HCN1: variants seen among roughly 807,000 people sequenced by gnomAD.
HCN1 encodes potassium/sodium hyperpolarization-activated cyclic nucleotide-gated channel 1.
Under a neutral mutation model 78.9 loss-of-function variants are expected in HCN1, and 13 were observed. The ratio of observed to expected loss-of-function variants is 0.16; its 90% CI spans 0.11 to 0.26. HCN1 has a LOEUF of 0.26. Ranked by LOEUF, HCN1 falls within the 10% of genes least tolerant of loss-of-function variation. The pLI is 1.00. For synonymous variants in HCN1, 552 were observed against 455.5 expected, an observed-to-expected ratio of 1.21 and a Z score of -2.70; for missense variants, 810 against 1,154.3, an observed-to-expected ratio of 0.70 and a Z score of 4.32.
chr5:45,370,739 T>C (rs75939043), intron 4 of HCN1, among the ~76,000 whole-genome samples: 5,279 of 152,104 alleles, frequency 0.035, 334 homozygotes, highest in African/African-American at 0.12. Flanking sequence ...CAGCAATAAC[T>C]AGAAACATTT....
chr5:45,279,063 T>C lies in HCN1; in HGVS notation c.1619-11810A>G, dbSNP rs1359151093. On this transcript the variant is annotated intron_variant, in intron 6 of 7. Coordinates refer to ENST00000303230, the MANE Select transcript of HCN1 (RefSeq NM_021072.4). ...TTTCCTTACAAATAGATGTCCTTTA[T>C]TGAATCTTAACTTAGGCAAATAAAA... Among the ~76,000 whole-genome samples, 6 of 152,268 alleles carry C rather than the reference T, an allele frequency of 3.9e-5. No individual in the cohort carries two copies. The East Asian group carries it at 7.7e-4, about 20-fold the overall frequency.
chr5:45,369,184 T>C (rs1747298160), intron 4 of HCN1, among the ~76,000 whole-genome samples: 1 of 152,044 alleles, frequency 6.6e-6, no homozygotes, highest in Non-Finnish European at 1.5e-5. Context: ...TATTTCTGAA[T>C]AATATTCCTG....
At chr5:45,619,843 T>C (rs1745022602) in intron 2 of HCN1, among the ~76,000 whole-genome samples, 1 of 152,084 alleles carries the variant, frequency 6.6e-6, no homozygotes, top group Admixed American at 6.5e-5. Flanking sequence ...CTCTCTCGGG[T>C]GGTAGAGATT....
At chr5:45,627,886 T>C (rs1235338685) in intron 2 of HCN1, among the ~76,000 whole-genome samples, 1 of 152,198 alleles carries the variant, frequency 6.6e-6, no homozygotes, top group African/African-American at 2.4e-5. Flanking sequence ...GTGGCATTTA[T>C]TGGAAAAATG....
chr5:45,687,037 T>C (rs970969507), intron 1 of HCN1, among the ~76,000 whole-genome samples: 3 of 152,218 alleles, frequency 2.0e-5, no homozygotes, highest in Non-Finnish European at 4.4e-5. Context: ...TTATTTAAAT[T>C]TTGTATTATG....
chr5:45,291,703 G>A (rs1427570319), intron 6 of HCN1, among the ~76,000 whole-genome samples: 1 of 151,692 alleles, frequency 6.6e-6, no homozygotes, highest in Admixed American at 6.6e-5. Flanking sequence ...GCTACTTTCT[G>A]ATTTTTTGTA....
At chr5:45,667,251 A>C (rs531298256) in intron 1 of HCN1, among the ~76,000 whole-genome samples, 1 of 152,032 alleles carries the variant, frequency 6.6e-6, no homozygotes, top group East Asian at 1.9e-4. Context: ...TCAGAGTTCA[A>C]GGATTATTCT....
In HCN1 at chr5:45,695,737, C is replaced by A. The variant is rs757047781; in HGVS notation, c.357G>T (p.Ala119=). Residue 119 remains alanine, a synonymous_variant, in exon 1 of 8, where the codon GCG becomes GCT. Coordinates refer to ENST00000303230, the MANE Select transcript of HCN1 (RefSeq NM_021072.4). ...TAACCCTTTCCTGCTCCTTTTCCAC[C>A]GCCTTCTGGCTCCCAAACATGCGGA... is the stretch of plus-strand genomic sequence containing the variant. ...FSLRMFGSQK[A]VEKEQERVKT... The A allele has an allele frequency of 1.9e-6, 3 of 1,612,608 alleles. No individual in the cohort carries two copies. The highest frequency in any genetic ancestry group is 2.5e-6 in the Non-Finnish European group (3 of 1,179,736).
chr5:45,555,473 G>A (rs570229358), intron 2 of HCN1, among the ~76,000 whole-genome samples: 3 of 151,920 alleles, frequency 2.0e-5, no homozygotes, highest in East Asian at 3.9e-4. Flanking sequence ...ACTACCCAAA[G>A]CAATCTACAG....
At chr5:45,346,491 AG>A (rs978049443) in intron 5 of HCN1, among the ~76,000 whole-genome samples, 1 of 152,294 alleles carries the variant, frequency 6.6e-6, no homozygotes, top group Admixed American at 6.5e-5. Flanking sequence ...TCATCTCACT[AG>A]GGAGTACCAG....
chr5:45,531,931 G>C (rs1174642524), intron 2 of HCN1, among the ~76,000 whole-genome samples: 4 of 151,968 alleles, frequency 2.6e-5, no homozygotes, highest in Non-Finnish European at 5.9e-5. Context: ...TCCCAGCTAC[G>C]CAGGAGGCTG....
At chr5:45,551,194 A>C (rs1288823161) in intron 2 of HCN1, among the ~76,000 whole-genome samples, 1 of 151,998 alleles carries the variant, frequency 6.6e-6, no homozygotes, top group Admixed American at 6.6e-5. Context: ...TCTGATTGTG[A>C]GAATTTTCTG....
chr5:45,405,718 A>T (rs1442241708), intron 3 of HCN1, among the ~76,000 whole-genome samples: 1 of 152,112 alleles, frequency 6.6e-6, no homozygotes, highest in African/African-American at 2.4e-5. Context: ...TATTTTTCTT[A>T]TATTTAGTGC....
At chr5:45,564,813 G>A (rs886955190) in intron 2 of HCN1, among the ~76,000 whole-genome samples, 7 of 152,106 alleles carry the variant, frequency 4.6e-5, no homozygotes, top group South Asian at 2.1e-4. Flanking sequence ...CCTGAATTAC[G>A]TCTGTTATTA....
At chr5:45,392,626 C>T (rs925890945) in intron 4 of HCN1, among the ~76,000 whole-genome samples, 1 of 151,928 alleles carries the variant, frequency 6.6e-6, no homozygotes, top group Admixed American at 6.6e-5. Context: ...TACTTGAGGT[C>T]GGGAGTTCTA....
intron 4 of HCN1, among the ~76,000 whole-genome samples, chr5:45,391,482 T>C (rs1443415941): frequency 6.6e-6 from 1 of 152,166 alleles, no homozygotes; most frequent in Non-Finnish European, 1.5e-5. Flanking sequence ...GTATTATTCA[T>C]AAATGATTAT....
At chr5:45,529,590 C>G (rs1742799461) in intron 2 of HCN1, among the ~76,000 whole-genome samples, 1 of 151,802 alleles carries the variant, frequency 6.6e-6, no homozygotes, top group South Asian at 2.1e-4. Context: ...TGTGTAGAAA[C>G]CAAGTCATTT....
intron 2 of HCN1, among the ~76,000 whole-genome samples, chr5:45,606,349 A>T (rs1211996853): frequency 6.6e-6 from 1 of 152,000 alleles, no homozygotes; most frequent in East Asian, 1.9e-4. Context: ...AGCTGATGTA[A>T]AACAAAAAAA....
chr5:45,353,803 G>A (rs777735789), intron 4 of HCN1, among the ~76,000 whole-genome samples: 3 of 151,794 alleles, frequency 2.0e-5, no homozygotes, highest in Non-Finnish European at 4.4e-5. Context: ...ACTATGGCAG[G>A]CTTCCAATTT....
Sources: allele counts gnomAD v4.1 joint callset (sites outside exome capture counted in the v4.1 genomes callset), GRCh38; gene constraint gnomAD v4.1.1; transcripts MANE v1.5; gene names NCBI Gene and HGNC (gene_info 2026-07-23, HGNC 2026-07-21).